Variants in ELN observed in about 807,000 individuals in gnomAD.
The protein encoded by ELN is tropoelastin.
Under a neutral mutation model 105.8 loss-of-function variants are expected in ELN, and 65 were observed. That is an observed-to-expected ratio of 0.61 (90% CI 0.50 to 0.75). ELN has a LOEUF of 0.75. Ranked by LOEUF, ELN falls within the 30% of genes least tolerant of loss-of-function variation. The probability of loss-of-function intolerance (pLI) is 0.00; values close to 1 mark genes in which losing one functional copy is unlikely to be tolerated. For synonymous variants in ELN, 368 were observed against 389.2 expected (o/e 0.95, Z 0.64); for missense variants, 882 against 969.4 (o/e 0.91, Z 1.20).
intron 32 of ELN, among the ~76,000 whole-genome samples, chr7:74,067,442 AT>A (rs1236953129): frequency 1.3e-5 from 2 of 150,654 alleles, no homozygotes; most frequent in African/African-American, 4.9e-5. Flanking sequence ...TAATTTTTGT[AT>A]TTTTAGTAGA....
intron 29 of ELN, among the ~76,000 whole-genome samples, chr7:74,064,744 G>A (rs1797585563): frequency 6.6e-6 from 1 of 152,186 alleles, no homozygotes; most frequent in Non-Finnish European, 1.5e-5. Flanking sequence ...TAAATTAGGA[G>A]AATGATGGTT....
Position 74,068,998 on chromosome 7 carries a change from G to C in ELN, c.*298G>C. The C allele has an allele frequency of 2.0e-6, 1 of 497,394 alleles. No homozygotes were observed. The allele number at this position is 497,394 out of a possible 1,614,324, so 30.8% of individuals were successfully genotyped here. A position where few individuals can be genotyped will look rare whatever the true frequency, so the allele number is the denominator to read the frequency against. On this transcript the variant is annotated 3_prime_UTR_variant, in exon 33 of 33. Coordinates refer to ENST00000252034, the MANE Select transcript of ELN (RefSeq NM_000501.4). ...ACAGCCTCCATCTCCAGGGGAACTTGGTGCTACACGCTGGTGCTCTTATCT... is the reference window on the plus strand; with the variant it reads ...ACAGCCTCCATCTCCAGGGGAACTTCGTGCTACACGCTGGTGCTCTTATCT...
chr7:74,042,442 C>T (rs1434888474), intron 5 of ELN, among the ~76,000 whole-genome samples, 172 bp from the exon 6 acceptor site: 3 of 150,434 alleles, frequency 2.0e-5, no homozygotes, highest in African/African-American at 7.4e-5. Context: ...AAAAAAAAAT[C>T]CATTACCGGT....
Position 74,042,623 on chromosome 7 carries a change from C to T in ELN, c.242C>T (p.Ala81Val), listed in dbSNP as rs991925528. 2 of 1,613,444 alleles carry T rather than the reference C, an allele frequency of 1.2e-6. No homozygotes were observed. Among genetic ancestry groups the T allele is most frequent in the Non-Finnish European group, 1.7e-6 (2 of 1,180,016 alleles). The change falls in exon 6 of 33, where the codon GCC (alanine) becomes GTC (valine). Residue 81 changes from alanine to valine, a missense_variant. By Grantham distance (64) the Ala-to-Val change is moderately conservative (BLOSUM62 0). Coordinates refer to ENST00000252034, the MANE Select transcript of ELN (RefSeq NM_000501.4). Reference sequence around the variant, plus strand: ...ATCCTCCCCTCCGCAGGGCTCGGCGCCTTCCCCGCAGTTACCTTTCCGGGG... The same window carrying T: ...ATCCTCCCCTCCGCAGGGCTCGGCGTCTTCCCCGCAGTTACCTTTCCGGGG... Reference protein sequence around the residue: ...AGAGLGAGLGAFPAVTFPGAL... With the variant: ...AGAGLGAGLGVFPAVTFPGAL...
intron 15 of ELN, among the ~76,000 whole-genome samples, chr7:74,050,574 C>G (rs913689246): frequency 2.6e-5 from 4 of 152,138 alleles, no homozygotes; most frequent in Non-Finnish European, 4.4e-5. Flanking sequence ...TTCCTCCATG[C>G]ATCCATGCAC....
At chr7:74,037,850 C>T (rs1260659248) in intron 4 of ELN, 111 bp downstream of exon 4, 60 of 1,487,964 alleles carry the variant, frequency 4.0e-5, no homozygotes, top group South Asian at 9.6e-5. Context: ...AGGAAGCCAA[C>T]GGGCAGGAGG....
At chr7:74,066,026 C>A in intron 31 of ELN, 29 bp downstream of exon 31, 1 of 1,613,986 alleles carries the variant, frequency 6.2e-7, no homozygotes. Context: ...GCTACGTAGT[C>A]CTCAGCTCTG....
At chr7:74,064,212 A>AGACTG (rs1797389721) in intron 29 of ELN, among the ~76,000 whole-genome samples, 20 of 151,778 alleles carry the variant, frequency 1.3e-4, no homozygotes, top group Admixed American at 1.3e-3. Flanking sequence ...AGGTCAGATC[A>AGACTG]AGACCATCCT....
At chr7:74,036,482 T>C in intron 2 of ELN, 73 bp from the exon 3 acceptor site, 1 of 1,601,746 alleles carries the variant, frequency 6.2e-7, no homozygotes. Flanking sequence ...GATTCAGCCA[T>C]AGCTGGGGGT....
chr7:74,066,828 C>G (rs782609593), intron 32 of ELN, 52 bp downstream of exon 32: 3 of 1,580,404 alleles, frequency 1.9e-6, no homozygotes, highest in East Asian at 4.5e-5. Flanking sequence ...CAGCCACCTC[C>G]TCCCTCCTCT....
intron 29 of ELN, 111 bp from the exon 30 acceptor site, chr7:74,065,583 C>T: frequency 7.4e-7 from 1 of 1,349,236 alleles, no homozygotes; most frequent in East Asian, 2.5e-5. Flanking sequence ...CACTGCACTC[C>T]AGCCCAGGCG....
At chr7:74,052,609 G>C (rs1794286328) in intron 17 of ELN, 1 of 164,274 alleles carries the variant, frequency 6.1e-6, no homozygotes, top group African/African-American at 2.6e-5. Flanking sequence ...GACAGAAAGA[G>C]AGAGACAGGA....
intron 15 of ELN, among the ~76,000 whole-genome samples, chr7:74,051,334 G>A (rs1793980334): frequency 6.6e-6 from 1 of 152,226 alleles, no homozygotes; most frequent in Non-Finnish European, 1.5e-5. Context: ...TGCAATGTGG[G>A]AGCGGGAGAG....
intron 5 of ELN, 118 bp downstream of exon 5, chr7:74,041,369 A>G (rs1209170419): frequency 1.0e-5 from 13 of 1,249,838 alleles, no homozygotes; most frequent in Admixed American, 3.5e-5. Context: ...CGTCCTGGGC[A>G]CTGACGGGGA....
chr7:74,041,192 C>T, intron 4 of ELN, 24 bp from the exon 5 acceptor site: 5 of 1,613,970 alleles, frequency 3.1e-6, no homozygotes, highest in Non-Finnish European at 4.2e-6. Flanking sequence ...TGCCTACACT[C>T]CTGTCTCTGT....
At position 74,059,870 on chromosome 7, in the gene ELN, C is replaced by T; in HGVS notation, c.1415-16C>T. The T allele has an allele frequency of 9.1e-7, 1 of 1,094,254 alleles. No homozygotes were observed. The highest frequency in any genetic ancestry group is 1.4e-6 in the Non-Finnish European group (1 of 704,814). The allele number at this position is 1,094,254 out of a possible 1,614,324, so 67.8% of individuals were successfully genotyped here. On this transcript the variant is annotated splice_polypyrimidine_tract_variant and intron_variant, in intron 22 of 32. Coordinates refer to ENST00000252034, the MANE Select transcript of ELN (RefSeq NM_000501.4). ...ATCAGGTCTTGGTTAATGATCAGCT[C>T]TTCTCAATCTTGCAGGGTTAGTTCC...
rs1792226644 is a variant in ELN, at chr7:74,045,385, C to T, written c.541+92C>T. On this transcript the variant is annotated intron_variant, in intron 10 of 32. Transcript: ENST00000252034. ...GAAATGGGGTGGGATCCTGGACTGG[C>T]TCAGGGCCCTCTGGGTGACACTTTT... The T allele has an allele frequency of 2.8e-6, 4 of 1,422,864 alleles. No homozygotes were observed. The South Asian group carries it at 3.5e-5, about 13-fold the overall frequency. 88.1% of individuals were successfully genotyped at this position (1,422,864 alleles called of 1,614,324 possible).
chr7:74,063,214 C>A lies in ELN; in HGVS notation c.1848C>A (p.Gly616=), dbSNP rs529233102. 1.9e-6 allele frequency: 3 copies of A among 1,606,714 alleles called. No homozygotes were observed. The highest frequency in any genetic ancestry group is 2.7e-5 in the African/African-American group (2 of 74,396). ...CTCTCGGTGGAGTAGGCATCCCAGGCGGTGTGGTGGGTGAGTTGAAACCCC... is the reference window on the plus strand; with the variant it reads ...CTCTCGGTGGAGTAGGCATCCCAGGAGGTGTGGTGGGTGAGTTGAAACCCC... The part of the protein sequence containing the change: ...LGALGGVGIP[G]GVVGAGPAAA... The change falls in exon 27 of 33, where the codon GGC becomes GGA. Residue 616 remains glycine, a synonymous_variant. Coordinates refer to ENST00000252034, the MANE Select transcript of ELN (RefSeq NM_000501.4). The surrounding 1 kb of genome is among the most constrained non-coding windows in gnomAD (Gnocchi z 4.1).
At chr7:74,041,487 C>A (rs1554668490) in intron 5 of ELN, among the ~76,000 whole-genome samples, 2 of 152,156 alleles carry the variant, frequency 1.3e-5, no homozygotes, top group African/African-American at 4.8e-5. Context: ...ATGGAGGAAG[C>A]CCCATGGACC....
Sources: allele counts gnomAD v4.1 joint callset (sites outside exome capture counted in the v4.1 genomes callset), GRCh38; gene constraint gnomAD v4.1.1; non-coding constraint Gnocchi (gnomAD v3.1); transcripts MANE v1.5; gene names NCBI Gene and HGNC (gene_info 2026-07-23, HGNC 2026-07-21).